The following ARB2A variants were observed in gnomAD, a reference collection of about 807,000 sequenced individuals.
ARB2A encodes the protein ARB2 cotranscriptional regulator A, also known as cotranscriptional regulator ARB2A.
chr5:93,768,047 C>T, the ARB2A span, among the ~76,000 whole-genome samples: 2 of 146,062 alleles, frequency 1.4e-5, no homozygotes, highest in Admixed American at 6.9e-5. Flanking sequence ...AGCATTTGCA[C>T]CAACCTGGAT....
the ARB2A span, among the ~76,000 whole-genome samples, chr5:94,007,271 G>A: frequency 1.3e-5 from 2 of 152,040 alleles, no homozygotes; most frequent in African/African-American, 4.8e-5. Context: ...AATAATATAT[G>A]CTAGCTGGTA....
At chr5:93,631,246 C>CT in the ARB2A span, among the ~76,000 whole-genome samples, 1 of 152,130 alleles carries the variant, frequency 6.6e-6, no homozygotes, top group Non-Finnish European at 1.5e-5. Flanking sequence ...GACTTTCAAC[C>CT]TTGGCTGGCT....
chr5:93,627,805 G>A, the ARB2A span, among the ~76,000 whole-genome samples: 4 of 152,126 alleles, frequency 2.6e-5, no homozygotes, highest in Non-Finnish European at 5.9e-5. Context: ...ATGGGCTGCA[G>A]AACGAATGTT....
the ARB2A span, among the ~76,000 whole-genome samples, chr5:93,784,940 T>C: frequency 6.6e-6 from 1 of 152,230 alleles, no homozygotes; most frequent in Non-Finnish European, 1.5e-5. Context: ...TATCTTGCTT[T>C]GACTTTTCCA....
chr5:93,855,818 T>A, the ARB2A span, among the ~76,000 whole-genome samples: 20 of 152,070 alleles, frequency 1.3e-4, no homozygotes, highest in South Asian at 3.7e-3. Context: ...CATCTGTACA[T>A]CACCATCATC....
chr5:93,741,672 T>TA, the ARB2A span: 1 of 1,329,658 alleles, frequency 7.5e-7, no homozygotes, highest in African/African-American at 1.5e-5. Context: ...GAGAAGGCGT[T>TA]ACAAGCCAAG....
At chr5:93,700,862 A>G in the ARB2A span, among the ~76,000 whole-genome samples, 1 of 152,162 alleles carries the variant, frequency 6.6e-6, no homozygotes, top group Non-Finnish European at 1.5e-5. Context: ...ACTTTTATTG[A>G]GACATTAAAA....
chr5:93,627,443 G>GTTTTTTT, the ARB2A span, among the ~76,000 whole-genome samples: 8 of 130,530 alleles, frequency 6.1e-5, no homozygotes, highest in Non-Finnish European at 8.3e-5. Flanking sequence ...AATGTGTTTT[G>GTTTTTTT]TTTTTTTTTT....
the ARB2A span, among the ~76,000 whole-genome samples, chr5:94,001,398 G>C: frequency 6.6e-6 from 1 of 151,956 alleles, no homozygotes; most frequent in African/African-American, 2.4e-5. Flanking sequence ...AGTCATTATT[G>C]CTTCAAATAT....
the ARB2A span, among the ~76,000 whole-genome samples, chr5:93,926,942 G>C: frequency 6.6e-6 from 1 of 151,416 alleles, no homozygotes; most frequent in African/African-American, 2.4e-5. Flanking sequence ...CAAAGACAGA[G>C]GAAGAAAATG....
chr5:93,787,816 T>G, the ARB2A span, among the ~76,000 whole-genome samples: 2 of 152,228 alleles, frequency 1.3e-5, no homozygotes, highest in Admixed American at 6.5e-5. Context: ...ATTCTAAAAT[T>G]CATGCCAAGA....
At chr5:93,838,634 A>C in the ARB2A span, among the ~76,000 whole-genome samples, 1 of 152,186 alleles carries the variant, frequency 6.6e-6, no homozygotes, top group East Asian at 1.9e-4. Flanking sequence ...TGCTTTGGGC[A>C]GTATGGCCAT....
At chr5:93,772,498 C>T in the ARB2A span, among the ~76,000 whole-genome samples, 4 of 151,984 alleles carry the variant, frequency 2.6e-5, no homozygotes, top group Non-Finnish European at 4.4e-5. Context: ...AAGTTTAAGC[C>T]TGTTGCATTA....
chr5:93,729,762 T>C, the ARB2A span, among the ~76,000 whole-genome samples: 1 of 152,104 alleles, frequency 6.6e-6, no homozygotes, highest in African/African-American at 2.4e-5. Context: ...TTAGGATAGG[T>C]AGTTTTATGG....
the ARB2A span, among the ~76,000 whole-genome samples, chr5:94,012,760 C>G: frequency 3.7e-4 from 56 of 152,218 alleles, no homozygotes; most frequent in African/African-American, 1.2e-3. Flanking sequence ...AGAATTCTGG[C>G]TCTTGTGCTA....
the ARB2A span, among the ~76,000 whole-genome samples, chr5:93,670,616 T>G: frequency 6.6e-6 from 1 of 152,222 alleles, no homozygotes; most frequent in African/African-American, 2.4e-5. Context: ...CAGATTAAAT[T>G]CCCACAAAAT....
chr5:93,689,140 G>A, the ARB2A span, among the ~76,000 whole-genome samples: 3 of 151,962 alleles, frequency 2.0e-5, no homozygotes, highest in African/African-American at 4.8e-5. Context: ...CAGCAATACC[G>A]GACTTTTTTT....
the ARB2A span, among the ~76,000 whole-genome samples, chr5:93,974,682 T>C: frequency 1.1e-4 from 16 of 152,176 alleles, no homozygotes; most frequent in African/African-American, 3.9e-4. Context: ...TATTTCAGGA[T>C]TGCTGACATG....
the ARB2A span, among the ~76,000 whole-genome samples, chr5:94,011,936 C>CAAAAA: frequency 2.4e-3 from 72 of 30,038 alleles, no homozygotes; most frequent in East Asian, 3.5e-3. Context: ...AAAGGGTAGA[C>CAAAAA]AAAAAAAAAA....
Sources: allele counts gnomAD v4.1 joint callset (sites outside exome capture counted in the v4.1 genomes callset), GRCh38; gene constraint gnomAD v4.1.1; transcripts MANE v1.5; gene names NCBI Gene and HGNC (gene_info 2026-07-23, HGNC 2026-07-21).